The following GRIK1 variants were observed in gnomAD, a reference collection of about 807,000 sequenced individuals.
The protein encoded by GRIK1 is glutamate receptor ionotropic, kainate 1.
A neutral mutation model predicts 105.7 loss-of-function variants in GRIK1; 69 were observed. That is an observed-to-expected ratio of 0.65 (90% CI 0.54 to 0.80). The LOEUF is 0.80. GRIK1 is among the 30% of genes least tolerant of loss of function. GRIK1 has a pLI of 0.00. For synonymous variants in GRIK1, 438 were observed against 431.3 expected (o/e 1.02, Z -0.19); for missense variants, 1,109 against 1,167.3 (o/e 0.95, Z 0.73).
At chr21:29,561,128 G>A (rs1247092662) in intron 15 of GRIK1, among the ~76,000 whole-genome samples, 1 of 152,172 alleles carries the variant, frequency 6.6e-6, no homozygotes, top group Non-Finnish European at 1.5e-5. Flanking sequence ...AACATTGCCT[G>A]AGCACATCAG....
At chr21:29,614,561 G>A (rs2061803302) in intron 7 of GRIK1, among the ~76,000 whole-genome samples, 2 of 150,864 alleles carry the variant, frequency 1.3e-5, no homozygotes, top group South Asian at 4.2e-4. Context: ...TTACGGGCAT[G>A]CAACACTACA....
Position 29,599,827 on chromosome 21 carries a change from G to A in GRIK1, c.1099-890C>T, listed in dbSNP as rs146767583. Among the ~76,000 whole-genome samples, 873 of 152,252 alleles carry A rather than the reference G, an allele frequency of 5.7e-3. 10 individuals are homozygous for A. The highest frequency in any genetic ancestry group is 8.3e-3 in the Non-Finnish European group (562 of 68,024). On this transcript the variant is annotated intron_variant, in intron 7 of 17. Coordinates refer to ENST00000327783, the MANE Select transcript of GRIK1 (RefSeq NM_001330994.2). ...AACAAACAAACAAAAAGGGTCGGGC[G>A]CAGTGGCTTGCGCCTGTAATCCCAG...
At chr21:29,539,735 C>T (rs139280988) in intron 16 of GRIK1, among the ~76,000 whole-genome samples, 9 of 151,932 alleles carry the variant, frequency 5.9e-5, no homozygotes, top group African/African-American at 1.7e-4. Flanking sequence ...ATGGAAGGAA[C>T]GAAAGGAGGA....
At chr21:29,645,490 C>G (rs143652548) in intron 6 of GRIK1, among the ~76,000 whole-genome samples, 2 of 152,042 alleles carry the variant, frequency 1.3e-5, no homozygotes, top group African/African-American at 2.4e-5. Context: ...TTTCTCAAGG[C>G]GGGCTCCATA....
Position 29,561,799 on chromosome 21 carries a change from C to T in GRIK1, c.2181G>A (p.Arg727=). Residue 727 remains arginine, a synonymous_variant, in exon 15 of 18, where the codon AGG becomes AGA. Transcript: ENST00000327783. ...TGTTTCTTACCAGGGCGGTCTGCTGCCTGCTGCTCATGAAAGCCCACATCT... is the reference window on the plus strand; with the variant it reads ...TGTTTCTTACCAGGGCGGTCTGCTGTCTGCTGCTCATGAAAGCCCACATCT... ...YEKMWAFMSS[R]QQTALVRNSD... 6.2e-7 allele frequency: 1 copy of T among 1,614,000 alleles called. No individual in the cohort carries two copies. Among genetic ancestry groups the T allele is most frequent in the Non-Finnish European group, 8.5e-7 (1 of 1,179,908 alleles).
At chr21:29,573,572 G>A (rs574237841) in intron 14 of GRIK1, among the ~76,000 whole-genome samples, 3 of 151,688 alleles carry the variant, frequency 2.0e-5, no homozygotes, top group East Asian at 3.9e-4. Context: ...TTAAGGGGCC[G>A]GGCGCAGTGG....
chr21:29,864,440 A>C (rs896636493), intron 1 of GRIK1, among the ~76,000 whole-genome samples: 2 of 151,922 alleles, frequency 1.3e-5, no homozygotes, highest in African/African-American at 4.8e-5. Context: ...TCCATTTTCT[A>C]TGTATTTTCC....
intron 1 of GRIK1, among the ~76,000 whole-genome samples, chr21:29,931,688 A>G (rs970127321): frequency 1.3e-5 from 2 of 152,038 alleles, no homozygotes; most frequent in African/African-American, 4.8e-5. Context: ...ATTTTTTCTG[A>G]GGAGCTCTAG....
chr21:29,808,779 GC>G (rs968703563), intron 1 of GRIK1, among the ~76,000 whole-genome samples: 2 of 152,056 alleles, frequency 1.3e-5, no homozygotes, highest in Non-Finnish European at 2.9e-5. Flanking sequence ...CCCTTCCAAT[GC>G]CCCCTGCAGT....
At chr21:29,841,616 T>G (rs1191105244) in intron 1 of GRIK1, among the ~76,000 whole-genome samples, 1 of 152,178 alleles carries the variant, frequency 6.6e-6, no homozygotes, top group Non-Finnish European at 1.5e-5. Context: ...CATAAATGAT[T>G]GAAAAGTTAA....
chr21:29,542,924 TG>T (rs2089993988), intron 16 of GRIK1, among the ~76,000 whole-genome samples: 1 of 152,170 alleles, frequency 6.6e-6, no homozygotes, highest in African/African-American at 2.4e-5. Context: ...AGAAAAAGGA[TG>T]TAGGAAAAAG....
chr21:29,873,421 G>A (rs2069087144), intron 1 of GRIK1, among the ~76,000 whole-genome samples: 1 of 152,202 alleles, frequency 6.6e-6, no homozygotes, highest in South Asian at 2.1e-4. Context: ...ACACTTAACA[G>A]GGGTGTAAAC....
At chr21:29,555,326 T>C (rs201475615) in intron 15 of GRIK1, 24 bp from the exon 16 acceptor site, 5 of 1,602,878 alleles carry the variant, frequency 3.1e-6, no homozygotes, top group Non-Finnish European at 4.3e-6. Context: ...CATCTGGATA[T>C]TGGTCACCAA....
At chr21:29,596,679 C>A (rs764531847) in intron 8 of GRIK1, 109 bp from the exon 9 acceptor site, 5 of 811,356 alleles carry the variant, frequency 6.2e-6, no homozygotes, top group Non-Finnish European at 1.1e-5. Context: ...ACAGTTCCCA[C>A]CCATTGTTTG....
chr21:29,599,980 G>C (rs1326750123), intron 7 of GRIK1, among the ~76,000 whole-genome samples: 1 of 152,102 alleles, frequency 6.6e-6, no homozygotes, highest in Non-Finnish European at 1.5e-5. Context: ...CAGCTACTCG[G>C]GAGGCTGAGT....
intron 3 of GRIK1, among the ~76,000 whole-genome samples, chr21:29,675,520 G>C (rs1193167991): frequency 6.6e-6 from 1 of 152,168 alleles, no homozygotes; most frequent in Non-Finnish European, 1.5e-5. Context: ...TTTCTATCAT[G>C]ATGACTTACA....
chr21:29,802,494 C>G (rs1028635419), intron 1 of GRIK1, among the ~76,000 whole-genome samples: 1 of 152,086 alleles, frequency 6.6e-6, no homozygotes, highest in African/African-American at 2.4e-5. Context: ...TTGTTACTTT[C>G]CTGCCCAGCA....
Position 29,939,687 on chromosome 21 carries a change from C to A in GRIK1, c.-187G>T, listed in dbSNP as rs2071910642. The A allele has an allele frequency of 3.9e-6, 2 of 517,482 alleles. No homozygotes were observed. The highest frequency in any genetic ancestry group is 6.8e-6 in the Non-Finnish European group (2 of 295,642). 32.1% of individuals were successfully genotyped at this position (517,482 alleles called of 1,614,324 possible). A position where few individuals can be genotyped will look rare whatever the true frequency, so the allele number is the denominator to read the frequency against. On this transcript the variant is annotated 5_prime_UTR_variant, in exon 1 of 18. Transcript: ENST00000327783. ...CGCGGAGCTGGCTGGCAAGGCTGAG[C>A]TCTCTCGGGGCTCCTCAGTGCTGTC...
chr21:29,548,779 G>T (rs1444120192), intron 16 of GRIK1, among the ~76,000 whole-genome samples: 1 of 152,074 alleles, frequency 6.6e-6, no homozygotes, highest in Non-Finnish European at 1.5e-5. Context: ...CCTTGGATAG[G>T]TTTATAATCA....
Sources: allele counts gnomAD v4.1 joint callset (sites outside exome capture counted in the v4.1 genomes callset), GRCh38; gene constraint gnomAD v4.1.1; transcripts MANE v1.5; gene names NCBI Gene and HGNC (gene_info 2026-07-23, HGNC 2026-07-21).